PTPRN2: variants seen among roughly 807,000 people sequenced by gnomAD.
The protein encoded by PTPRN2 is receptor-type tyrosine-protein phosphatase N2.
PTPRN2 carries 74 observed loss-of-function variants against 118.8 expected under a neutral mutation model. That is an observed-to-expected ratio of 0.62 (90% CI 0.52 to 0.76). The LOEUF (loss-of-function observed/expected upper bound fraction) is 0.76, where lower values mean the gene tolerates loss of function less well. Ranked by LOEUF, PTPRN2 falls within the 30% of genes least tolerant of loss-of-function variation. PTPRN2 has a pLI of 0.00. For missense variants in PTPRN2, 1,481 were observed against 1,394.4 expected (o/e 1.06, Z -0.99); for synonymous variants, 641 against 608.0 (o/e 1.05, Z -0.80).
In PTPRN2 at chr7:157,598,496, C is replaced by T. The variant is rs893148740; in HGVS notation, c.2419-3181G>A. On this transcript the variant is annotated intron_variant, in intron 16 of 22. Coordinates refer to ENST00000389418, the MANE Select transcript of PTPRN2 (RefSeq NM_002847.5). The surrounding 1 kb of genome is among the most constrained non-coding windows in gnomAD (Gnocchi z 5.2). ...CTCAGGGAGTGAGGAGCTTGGACGT[C>T]GGCGTCTCCGGGCCTCAGTCTCCAT... Among the ~76,000 whole-genome samples the T allele has an allele frequency of 7.2e-6, 1 of 138,982 alleles. No individual in the cohort carries two copies. The highest frequency in any genetic ancestry group is 1.5e-5 in the Non-Finnish European group (1 of 66,100). 91.2% of individuals were successfully genotyped at this position (138,982 alleles called of 152,430 possible). A position where few individuals can be genotyped will look rare whatever the true frequency, so the allele number is the denominator to read the frequency against.
chr7:158,456,636 C>G (rs1818530572), intron 2 of PTPRN2, among the ~76,000 whole-genome samples: 1 of 152,256 alleles, frequency 6.6e-6, no homozygotes, highest in South Asian at 2.1e-4. Context: ...GGCCACCCAT[C>G]ACTCTGCAGT....
intron 2 of PTPRN2, among the ~76,000 whole-genome samples, chr7:158,443,246 A>G (rs745596426): frequency 1.8e-4 from 27 of 152,132 alleles, no homozygotes; most frequent in Non-Finnish European, 3.7e-4. Context: ...GGCTCAGCCC[A>G]GCGGCTCCCG....
chr7:158,022,026 G>A lies in PTPRN2; in HGVS notation c.1723+59272C>T, dbSNP rs963463060. ...CAGCCTCGCCCATCCACCATGAGGC[G>A]AGACCCCACACTCCAGCTGGCCTCC... On this transcript the variant is annotated intron_variant, in intron 11 of 22. Transcript: ENST00000389418. This position sits in a 1 kb window ranked among gnomAD's most constrained non-coding sequence, Gnocchi z 4.6. Among the ~76,000 whole-genome samples, 2 of 152,032 alleles carry A rather than the reference G, an allele frequency of 1.3e-5. No individual in the cohort carries two copies. The highest frequency in any genetic ancestry group is 2.9e-5 in the Non-Finnish European group (2 of 68,010).
At chr7:158,080,729 T>A (rs1263741786) in intron 11 of PTPRN2, among the ~76,000 whole-genome samples, 1 of 152,190 alleles carries the variant, frequency 6.6e-6, no homozygotes, top group Non-Finnish European at 1.5e-5. Context: ...GCTCTATCTG[T>A]AAGTACATCT....
At chr7:157,558,549 A>G (rs980864499) in intron 21 of PTPRN2, among the ~76,000 whole-genome samples, 2 of 152,236 alleles carry the variant, frequency 1.3e-5, no homozygotes, top group African/African-American at 4.8e-5. Context: ...GGAGAACAGG[A>G]GCTGGGCTCA....
At chr7:158,127,377 C>T (rs774815165) in intron 9 of PTPRN2, among the ~76,000 whole-genome samples, 7 of 152,056 alleles carry the variant, frequency 4.6e-5, no homozygotes, top group African/African-American at 1.7e-4. Flanking sequence ...ACCTGAGCCC[C>T]GTTCATCTCT....
chr7:157,616,723 T>C (rs913410845), intron 15 of PTPRN2: 1 of 152,182 alleles, frequency 6.6e-6, no homozygotes, highest in African/African-American at 2.4e-5. Flanking sequence ...AACCCTGGCT[T>C]AATCATCAGA....
chr7:157,558,899 G>A (rs1294764846), intron 21 of PTPRN2, among the ~76,000 whole-genome samples: 1 of 152,226 alleles, frequency 6.6e-6, no homozygotes, highest in East Asian at 1.9e-4. Flanking sequence ...GGCTTACAGT[G>A]CAAACACAGA....
intron 11 of PTPRN2, among the ~76,000 whole-genome samples, chr7:158,045,792 A>G: frequency 6.6e-6 from 1 of 150,656 alleles, no homozygotes; most frequent in East Asian, 2.0e-4. Context: ...GTCCAGGAGC[A>G]GAACCTGCGA....
rs1378398885 is a variant in PTPRN2 at position 157,978,181 on chromosome 7, C to G, written c.1724-79444G>C. 2.0e-5 allele frequency among the ~76,000 whole-genome samples: 3 copies of G among 151,964 alleles called. No homozygotes were observed. In the East Asian group the frequency reaches 5.8e-4, roughly 29 times the overall value. ...TCTCAGGTGTGTTTTGTGGAAGACA[C>G]GGCTCCTCTGGCACAGGGCTGTGAA... On this transcript the variant is annotated intron_variant, in intron 11 of 22. Transcript: ENST00000389418.
intron 11 of PTPRN2, among the ~76,000 whole-genome samples, chr7:157,908,209 G>A (rs528470596): frequency 2.6e-5 from 4 of 152,212 alleles, no homozygotes; most frequent in South Asian, 2.1e-4. Context: ...CCATGGTGCC[G>A]GGCCCGGCCT....
At chr7:157,871,297 G>A (rs1811030432) in intron 12 of PTPRN2, among the ~76,000 whole-genome samples, 1 of 152,138 alleles carries the variant, frequency 6.6e-6, no homozygotes, top group African/African-American at 2.4e-5. Context: ...GAGGTTCTGG[G>A]GTGAACCAGC....
intron 2 of PTPRN2, among the ~76,000 whole-genome samples, chr7:158,388,490 C>T (rs1438339630): frequency 6.6e-6 from 1 of 152,218 alleles, no homozygotes; most frequent in Non-Finnish European, 1.5e-5. Flanking sequence ...AAGGACACAG[C>T]TCAAGGAGAG....
At chr7:157,693,303 G>A (rs1291939020) in intron 12 of PTPRN2, among the ~76,000 whole-genome samples, 1 of 152,076 alleles carries the variant, frequency 6.6e-6, no homozygotes, top group African/African-American at 2.4e-5. Context: ...GACTCCCCGC[G>A]GGGGCTGGGA....
intron 12 of PTPRN2, among the ~76,000 whole-genome samples, chr7:157,734,674 G>A (rs1287195476): frequency 2.6e-5 from 4 of 152,200 alleles, no homozygotes; most frequent in Non-Finnish European, 4.4e-5. Flanking sequence ...TTACTGAAGC[G>A]TTACAAGGCT....
chr7:157,994,840 G>A (rs1470990615), intron 11 of PTPRN2, among the ~76,000 whole-genome samples: 2 of 13,402 alleles, frequency 1.5e-4, no homozygotes, highest in Non-Finnish European at 2.7e-4. Context: ...TAAAATCAAC[G>A]CCGCGTCCCC....
At chr7:158,000,318 C>T (rs1805116345) in intron 11 of PTPRN2, among the ~76,000 whole-genome samples, 1 of 152,112 alleles carries the variant, frequency 6.6e-6, no homozygotes, top group South Asian at 2.1e-4. Flanking sequence ...AAAGTGATCA[C>T]TTCAAAAACA....
intron 2 of PTPRN2, among the ~76,000 whole-genome samples, chr7:158,337,142 T>A (rs1478055747): frequency 7.8e-6 from 1 of 128,740 alleles, no homozygotes; most frequent in East Asian, 2.5e-4. Flanking sequence ...CTTACAGCCA[T>A]ACTCTCACCA....
chr7:158,242,078 G>C (rs1795934759), intron 3 of PTPRN2, among the ~76,000 whole-genome samples: 1 of 152,152 alleles, frequency 6.6e-6, no homozygotes, highest in South Asian at 2.1e-4. Context: ...TATAAGGCAG[G>C]TTCACCCACC....
Sources: gnomAD v4.1 joint callset for allele counts (sites outside exome capture counted in the v4.1 genomes callset) on GRCh38, gnomAD v4.1.1 for gene constraint, Gnocchi (gnomAD v3.1) non-coding constraint, MANE v1.5 for transcripts, NCBI Gene and HGNC (gene_info 2026-07-23, HGNC 2026-07-21) for gene names.